The following MAP7D1 variants were observed in gnomAD, a reference collection of about 807,000 sequenced individuals.
The protein encoded by MAP7D1 is MAP7 domain containing 1, also known as MAP7 domain-containing protein 1.
In MAP7D1, 30 loss-of-function variants were observed where a neutral mutation model predicts 97.5. That is an observed-to-expected ratio of 0.31 (90% CI 0.23 to 0.42). The LOEUF is 0.42. Ranked by LOEUF, MAP7D1 falls within the 10% of genes least tolerant of loss-of-function variation. The probability of loss-of-function intolerance (pLI) is 1.00; values close to 1 mark genes in which losing one functional copy is unlikely to be tolerated. For synonymous variants in MAP7D1, 536 were observed against 477.1 expected, an observed-to-expected ratio of 1.12 and a Z score of -1.61; for missense variants, 1,184 against 1,179.5, an observed-to-expected ratio of 1.00 and a Z score of -0.06.
chr1:36,177,400 T>A (rs1196109521), intron 8 of MAP7D1: 4 of 378,688 alleles, frequency 1.1e-5, no homozygotes, highest in Non-Finnish European at 2.1e-5. Flanking sequence ...CTCACGCCCG[T>A]AATCCCAGCA....
chr1:36,179,671 G>C lies in MAP7D1; in HGVS notation c.2233G>C (p.Val745Leu). Residue 745 changes from valine (V) to leucine (L), a missense_variant, in exon 15 of 17, where the codon GTG becomes CTG. Physicochemically the swap from Val to Leu is conservative, Grantham distance 32 (BLOSUM62 1). Coordinates refer to ENST00000474796, the MANE Select transcript of MAP7D1 (RefSeq NM_001388490.1). ...ANANGSSPEP[V>L]KAVEARSPGL... The stretch of plus-strand genomic sequence containing the variant: ...CCCCTCTTTCCCTGTGACAGAGCCT[G>C]TGAAAGCTGTGGAGGCTCGGTCCCC... The C allele has an allele frequency of 4.6e-6, 7 of 1,529,592 alleles. No individual in the cohort carries two copies. The highest frequency in any genetic ancestry group is 6.2e-6 in the Non-Finnish European group (7 of 1,135,744). The allele number at this position is 1,529,592 out of a possible 1,614,324, so 94.8% of individuals were successfully genotyped here.
chr1:36,171,495 C>T lies in MAP7D1; in HGVS notation c.392-18C>T. 1.2e-6 allele frequency: 2 copies of T among 1,614,040 alleles called. No homozygotes were observed. Among genetic ancestry groups the T allele is most frequent in the Non-Finnish European group, 1.7e-6 (2 of 1,179,934 alleles). On this transcript the variant is annotated intron_variant, in intron 2 of 16. Coordinates refer to ENST00000474796, the MANE Select transcript of MAP7D1 (RefSeq NM_001388490.1). ...GGGACAGCCTTTTGACCTGTCTGTT[C>T]TTGTTCCCTCTGCTCAGAGGTGAAG... is the stretch of plus-strand genomic sequence containing the variant.
chr1:36,171,139 C>T lies in MAP7D1; in HGVS notation c.215C>T (p.Ser72Leu), dbSNP rs552661941. The T allele has an allele frequency of 1.9e-5, 31 of 1,614,092 alleles. No individual in the cohort carries two copies. The East Asian group carries it at 5.1e-4, about 27-fold the overall frequency. The change falls in exon 2 of 17, where the codon TCA becomes TTA. Residue 72 changes from serine (S) to leucine (L), a missense_variant. Transcript: ENST00000474796. ...CTCCCACTGGAACCAGAGAGCCCCT[C>T]AGGGCAGGTCGGGCCTAGGCCAGCC... Reference protein sequence around the residue: ...KQLPLEPESPSGQVGPRPAPP... With the variant: ...KQLPLEPESPLGQVGPRPAPP...
chr1:36,172,550 G>C lies in MAP7D1; in HGVS notation c.547G>C (p.Glu183Gln), dbSNP rs1460738805. ...GCTCCAGGAGCGCCGGCGCCGGCTGGAGGAGCAACGTCTTAAAGCCGAGCA... is the reference window on the plus strand; with the variant it reads ...GCTCCAGGAGCGCCGGCGCCGGCTGCAGGAGCAACGTCTTAAAGCCGAGCA... The part of the protein sequence containing the change: ...KQLQERRRRL[E>Q]EQRLKAEQRR... Residue 183 changes from glutamate to glutamine, a missense_variant, in exon 4 of 17, where the codon GAG becomes CAG. Transcript: ENST00000474796. 3 of 1,603,748 alleles carry C rather than the reference G, an allele frequency of 1.9e-6. No individual in the cohort carries two copies. The highest frequency in any genetic ancestry group is 2.2e-5 in the South Asian group (2 of 90,744).
chr1:36,173,299 C>T, intron 4 of MAP7D1, 65 bp from the exon 5 acceptor site: 1 of 1,239,182 alleles, frequency 8.1e-7, no homozygotes, highest in Non-Finnish European at 1.2e-6. Context: ...GGAAGAAGGG[C>T]CTCTATCCCA....
chr1:36,178,677 T>C lies in MAP7D1; in HGVS notation c.1887-8T>C. The C allele has an allele frequency of 6.5e-7, 1 of 1,527,926 alleles. No individual in the cohort carries two copies. 94.6% of individuals were successfully genotyped at this position (1,527,926 alleles called of 1,614,324 possible). ...GGCCGAGCCTGAGCCGTTTGCTCCG[T>C]CCCCCAGGCGAATGCGAGAGGAGCA... On this transcript the variant is annotated splice_polypyrimidine_tract_variant and splice_region_variant and intron_variant, in intron 10 of 16. Transcript: ENST00000474796.
At position 36,171,490 on chromosome 1, in the gene MAP7D1, CTGTT is replaced by C. The variant is rs754797949; in HGVS notation, c.392-22_392-19del. The C allele has an allele frequency of 8.7e-6, 14 of 1,613,770 alleles. No homozygotes were observed. The East Asian group carries it at 2.9e-4, about 33-fold the overall frequency. On this transcript the variant is annotated intron_variant, in intron 2 of 16. Coordinates refer to ENST00000474796, the MANE Select transcript of MAP7D1 (RefSeq NM_001388490.1). ...CTTTGGGGACAGCCTTTTGACCTGT[CTGTT>C]CTTGTTCCCTCTGCTCAGAGGTGAA... is the stretch of plus-strand genomic sequence containing the variant.
intron 1 of MAP7D1, among the ~76,000 whole-genome samples, chr1:36,163,083 G>A (rs1313681342): frequency 6.6e-6 from 1 of 152,102 alleles, no homozygotes; most frequent in African/African-American, 2.4e-5. Flanking sequence ...AAAAGGAAAG[G>A]ACTGCCAGCT....
chr1:36,168,816 T>C (rs1246889355), intron 1 of MAP7D1, among the ~76,000 whole-genome samples: 1 of 152,198 alleles, frequency 6.6e-6, no homozygotes, highest in Non-Finnish European at 1.5e-5. Context: ...TGATGATGGC[T>C]ACTGGGTCCA....
At position 36,180,078 on chromosome 1, in the gene MAP7D1, T is replaced by C; in HGVS notation, c.2512+11T>C. 6.2e-7 allele frequency: 1 copy of C among 1,612,894 alleles called. No homozygotes were observed. Among genetic ancestry groups the C allele is most frequent in the Non-Finnish European group, 8.5e-7 (1 of 1,179,228 alleles). ...CCCCGCAGGTCACAGGTAGATCTCC[T>C]GATTCCTGGACCCAGCTCCATTCCT... On this transcript the variant is annotated intron_variant, in intron 16 of 16. Coordinates refer to ENST00000474796, the MANE Select transcript of MAP7D1 (RefSeq NM_001388490.1).
chr1:36,156,553 C>G (rs1644332443), intron 1 of MAP7D1, 90 bp downstream of exon 1: 1 of 1,074,632 alleles, frequency 9.3e-7, no homozygotes, highest in Non-Finnish European at 1.2e-6. Flanking sequence ...GGGCGGGGAC[C>G]CCTCCGCTGC....
intron 4 of MAP7D1, 135 bp from the exon 5 acceptor site, chr1:36,173,229 C>A (rs1010409908): frequency 1.6e-5 from 11 of 671,966 alleles, no homozygotes; most frequent in Non-Finnish European, 2.4e-5. Flanking sequence ...ACCTTGGTTA[C>A]CTGCAATGAG....
intron 5 of MAP7D1, among the ~76,000 whole-genome samples, chr1:36,174,667 T>TCTC (rs1318451849): frequency 8.6e-5 from 13 of 151,988 alleles, no homozygotes; most frequent in Non-Finnish European, 1.5e-5. Flanking sequence ...GTTTTACTCA[T>TCTC]CTCCTCCCTT....
Position 36,178,572 on chromosome 1 carries a change from G to T in MAP7D1, c.1862G>T (p.Arg621Leu). ...REQREREEQE[R>L]RLQAERDKRM... ...CAGCGGGAGCGCGAGGAGCAGGAGC[G>T]GAGGCTGCAGGCAGAAAGGGACAAG... The change falls in exon 10 of 17, where the codon CGG becomes CTG. Residue 621 changes from arginine to leucine, a missense_variant. Physicochemically the swap from Arg to Leu is moderately radical, Grantham distance 102 (BLOSUM62 -2). Coordinates refer to ENST00000474796, the MANE Select transcript of MAP7D1 (RefSeq NM_001388490.1). 1.3e-6 allele frequency: 2 copies of T among 1,587,010 alleles called. No homozygotes were observed. The highest frequency in any genetic ancestry group is 1.7e-6 in the Non-Finnish European group (2 of 1,168,586).
Position 36,171,035 on chromosome 1 carries a change from AC to A in MAP7D1, c.113del (p.Pro38HisfsTer18). ...CAGAAGGTGACCCTTCCCCCCCACC[AC>A]CACCAATGTCAGCCCTGGTCCCCGA... ...SPEGDPSPPP[P>X]PMSALVPDTP... On this transcript the variant is annotated frameshift_variant, in exon 2 of 17. Coordinates refer to ENST00000474796, the MANE Select transcript of MAP7D1 (RefSeq NM_001388490.1). LOFTEE classifies it high-confidence loss of function. 9.1e-7 allele frequency: 1 copy of A among 1,097,360 alleles called. No homozygotes were observed. Among genetic ancestry groups the A allele is most frequent in the Non-Finnish European group, 1.2e-6 (1 of 848,316 alleles). 68.0% of individuals were successfully genotyped at this position (1,097,360 alleles called of 1,614,324 possible).
At chr1:36,156,827 C>G (rs573034676) in intron 1 of MAP7D1, among the ~76,000 whole-genome samples, 1 of 152,174 alleles carries the variant, frequency 6.6e-6, no homozygotes, top group Non-Finnish European at 1.5e-5. Flanking sequence ...GCTAGGGCTT[C>G]CGTCCCCTTC....
rs1050851561 is a variant in MAP7D1 at position 36,156,180 on chromosome 1, G to T, written c.-238G>T. The stretch of plus-strand genomic sequence containing the variant: ...ATAGGGTTGGGCCGAGGCCGGGACT[G>T]GGCCGGCGCCGGGCGGGGAACGGGT... On this transcript the variant is annotated 5_prime_UTR_variant, in exon 1 of 17. Transcript: ENST00000474796. 4.8e-6 allele frequency: 2 copies of T among 420,566 alleles called. No individual in the cohort carries two copies. Among genetic ancestry groups the T allele is most frequent in the Non-Finnish European group, 8.3e-6 (2 of 240,322 alleles). The allele number at this position is 420,566 out of a possible 1,614,324, so 26.1% of individuals were successfully genotyped here.
At chr1:36,160,030 G>A (rs950118208) in intron 1 of MAP7D1, among the ~76,000 whole-genome samples, 10 of 152,262 alleles carry the variant, frequency 6.6e-5, no homozygotes, top group African/African-American at 2.4e-4. Context: ...GAAGGGCTGA[G>A]GGAAGGGACT....
chr1:36,178,522 T>G lies in MAP7D1; in HGVS notation c.1812T>G (p.Ala604=). ...TDREEATRLL[A]EKRRQAREQR... ...GAGAAGAAGCCACTCGGCTCTTGGC[T>G]GAGAAGCGGCGCCAGGCCCGGGAGC... The change falls in exon 10 of 17, where the codon GCT becomes GCG. Residue 604 remains alanine, a synonymous_variant. Coordinates refer to ENST00000474796, the MANE Select transcript of MAP7D1 (RefSeq NM_001388490.1). 2 of 1,606,706 alleles carry G rather than the reference T, an allele frequency of 1.2e-6. No individual in the cohort carries two copies. The highest frequency in any genetic ancestry group is 1.7e-6 in the Non-Finnish European group (2 of 1,177,060).
Sources: gnomAD v4.1 joint callset for allele counts (sites outside exome capture counted in the v4.1 genomes callset) on GRCh38, gnomAD v4.1.1 for gene constraint, MANE v1.5 for transcripts, NCBI Gene and HGNC (gene_info 2026-07-23, HGNC 2026-07-21) for gene names.